TTC27: variants seen among roughly 807,000 people sequenced by gnomAD.
The protein encoded by TTC27 is tetratricopeptide repeat protein 27.
A neutral mutation model predicts 115.9 loss-of-function variants in TTC27; 79 were observed. The ratio of observed to expected loss-of-function variants is 0.68; its 90% CI spans 0.57 to 0.82. The LOEUF is 0.82. TTC27 is among the 40% of genes least tolerant of loss of function. The pLI is 0.00. For synonymous variants in TTC27, 401 were observed against 356.0 expected, an observed-to-expected ratio of 1.13 and a Z score of -1.42; for missense variants, 1,054 against 993.1, an observed-to-expected ratio of 1.06 and a Z score of -0.82.
chr2:32,699,510 GGTTGCT>G (rs1667111922), intron 9 of TTC27, among the ~76,000 whole-genome samples: 1 of 152,166 alleles, frequency 6.6e-6, no homozygotes, highest in Non-Finnish European at 1.5e-5. Context: ...CATTGCATTT[GGTTGCT>G]GAAATTTTTT....
chr2:32,733,069 G>A (rs1203004336), intron 10 of TTC27, among the ~76,000 whole-genome samples: 1 of 152,192 alleles, frequency 6.6e-6, no homozygotes, highest in Non-Finnish European at 1.5e-5. Flanking sequence ...GTCTTCATTC[G>A]CTTTGATGCT....
chr2:32,645,605 T>C (rs1031432040), intron 4 of TTC27, among the ~76,000 whole-genome samples: 1 of 152,198 alleles, frequency 6.6e-6, no homozygotes, highest in African/African-American at 2.4e-5. Flanking sequence ...ATGTGCAGGT[T>C]TGTTATATAT....
chr2:32,764,984 C>T (rs988292944), intron 13 of TTC27, among the ~76,000 whole-genome samples: 1 of 152,152 alleles, frequency 6.6e-6, no homozygotes, highest in Admixed American at 6.6e-5. Context: ...AAATCTCGAA[C>T]GCTTAAAAGT....
At chr2:32,693,106 A>G (rs1367351795) in intron 9 of TTC27, among the ~76,000 whole-genome samples, 1 of 152,254 alleles carries the variant, frequency 6.6e-6, no homozygotes, top group Non-Finnish European at 1.5e-5. Flanking sequence ...CTACATAATT[A>G]ATACAATCCT....
chr2:32,650,301 T>G, intron 5 of TTC27, 68 bp downstream of exon 5: 5 of 1,173,234 alleles, frequency 4.3e-6, no homozygotes, highest in Non-Finnish European at 6.1e-6. Flanking sequence ...GAGATACTCC[T>G]TTTTAGTTTA....
intron 12 of TTC27, among the ~76,000 whole-genome samples, chr2:32,752,170 A>T (rs1189189239): frequency 5.3e-5 from 8 of 152,224 alleles, no homozygotes; most frequent in Admixed American, 5.2e-4. Flanking sequence ...GCCCATTTCA[A>T]CAAAAGGACC....
intron 15 of TTC27, among the ~76,000 whole-genome samples, chr2:32,786,070 ATTG>A (rs1442988993): frequency 1.2e-4 from 19 of 152,192 alleles, no homozygotes; most frequent in Admixed American, 1.2e-3. Context: ...GGCTTGACAA[ATTG>A]TTAAACAATT....
intron 13 of TTC27, among the ~76,000 whole-genome samples, chr2:32,771,100 A>C (rs954676887): frequency 1.3e-5 from 2 of 152,222 alleles, no homozygotes; most frequent in Non-Finnish European, 2.9e-5. Flanking sequence ...CTTTGCTACC[A>C]TAGACCTGAT....
intron 13 of TTC27, among the ~76,000 whole-genome samples, chr2:32,761,065 A>G (rs986806127): frequency 9.9e-5 from 15 of 152,114 alleles, no homozygotes; most frequent in Non-Finnish European, 1.8e-4. Flanking sequence ...ACTCGACGCC[A>G]GTACTTAACT....
intron 13 of TTC27, among the ~76,000 whole-genome samples, chr2:32,776,907 G>C (rs1166069279): frequency 6.6e-6 from 1 of 152,136 alleles, no homozygotes; most frequent in East Asian, 1.9e-4. Flanking sequence ...ACCACACCCA[G>C]CCGAATTTTT....
intron 18 of TTC27, among the ~76,000 whole-genome samples, chr2:32,815,988 C>T (rs1179253332): frequency 6.6e-6 from 1 of 152,140 alleles, no homozygotes; most frequent in Non-Finnish European, 1.5e-5. Context: ...CAGGCACAGG[C>T]AGCCTCTACC....
intron 13 of TTC27, among the ~76,000 whole-genome samples, chr2:32,768,733 A>G (rs948567973): frequency 3.9e-5 from 6 of 152,218 alleles, no homozygotes; most frequent in African/African-American, 1.4e-4. Flanking sequence ...CTTGAGTGGT[A>G]AGCATGGAAA....
chr2:32,707,037 C>G (rs1667398304), intron 10 of TTC27, among the ~76,000 whole-genome samples: 1 of 152,158 alleles, frequency 6.6e-6, no homozygotes, highest in African/African-American at 2.4e-5. Context: ...GCTGTCCTGG[C>G]ACTTTGTCCC....
chr2:32,734,781 T>C (rs1254551781), intron 11 of TTC27, among the ~76,000 whole-genome samples: 1 of 152,226 alleles, frequency 6.6e-6, no homozygotes, highest in African/African-American at 2.4e-5. Context: ...TTAATCTATC[T>C]CTTTTCCTTA....
intron 14 of TTC27, among the ~76,000 whole-genome samples, chr2:32,778,996 G>A (rs113425774): frequency 0.035 from 5,323 of 152,302 alleles, 131 homozygotes; most frequent in Non-Finnish European, 0.055. Flanking sequence ...GGCCAAGGCC[G>A]GTGGATCACT....
At chr2:32,694,526 A>G (rs1049839990) in intron 9 of TTC27, among the ~76,000 whole-genome samples, 2 of 152,134 alleles carry the variant, frequency 1.3e-5, no homozygotes, top group African/African-American at 4.8e-5. Context: ...GTAACATTGT[A>G]AGATCCATCT....
intron 11 of TTC27, among the ~76,000 whole-genome samples, chr2:32,734,152 C>G (rs1668381422): frequency 6.6e-6 from 1 of 151,872 alleles, no homozygotes; most frequent in Non-Finnish European, 1.5e-5. Flanking sequence ...AAATAGAATC[C>G]TAGAAATAAA....
intron 5 of TTC27, among the ~76,000 whole-genome samples, chr2:32,661,124 C>T (rs558427336): frequency 1.3e-5 from 2 of 152,214 alleles, no homozygotes; most frequent in Non-Finnish European, 2.9e-5. Context: ...TTTCATTGGT[C>T]TATATATCTG....
In TTC27 at chr2:32,640,315, G is replaced by A. The variant is rs1664591660; in HGVS notation, c.442G>A (p.Gly148Ser). 6.2e-7 allele frequency: 1 copy of A among 1,614,012 alleles called. No homozygotes were observed. Among genetic ancestry groups the A allele is most frequent in the Non-Finnish European group, 8.5e-7 (1 of 1,179,956 alleles). ...TGTTCTGAGCCTGCTCACTCTAGATGGTGAATCAATCTACAGCCTGACCTC... is the reference window on the plus strand; with the variant it reads ...TGTTCTGAGCCTGCTCACTCTAGATAGTGAATCAATCTACAGCCTGACCTC... ...AFVLSLLTLD[G>S]ESIYSLTSKP... The change falls in exon 4 of 20, where the codon GGT becomes AGT. Residue 148 changes from glycine to serine, a missense_variant. By Grantham distance (56) the Gly-to-Ser change is moderately conservative (BLOSUM62 0). Coordinates refer to ENST00000317907, the MANE Select transcript of TTC27 (RefSeq NM_017735.5).
Sources: allele counts gnomAD v4.1 joint callset (sites outside exome capture counted in the v4.1 genomes callset), GRCh38; gene constraint gnomAD v4.1.1; transcripts MANE v1.5; gene names NCBI Gene and HGNC (gene_info 2026-07-23, HGNC 2026-07-21).